EXOC4: variants seen among roughly 807,000 people sequenced by gnomAD.
The protein encoded by EXOC4 is exocyst complex component 4, also known as SEC8-like 1.
EXOC4 carries 71 observed loss-of-function variants against 107.2 expected under a neutral mutation model. That is an observed-to-expected ratio of 0.66 (90% CI 0.55 to 0.81). The LOEUF is 0.81. Among genes scored for constraint, EXOC4 ranks in the 30% least tolerant of loss-of-function variants. EXOC4 has a pLI of 0.00. For missense variants in EXOC4, 1,108 were observed against 1,189.6 expected (o/e 0.93, Z 1.01); for synonymous variants, 456 against 441.2 (o/e 1.03, Z -0.42).
intron 9 of EXOC4, among the ~76,000 whole-genome samples, chr7:133,606,514 A>ATTT (rs1412133574): frequency 1.7e-4 from 24 of 142,874 alleles, no homozygotes; most frequent in African/African-American, 6.3e-4. Context: ...TATTATTATT[A>ATTT]TTATTTTTTT....
At chr7:134,066,111 A>G (rs1003016992), downstream of EXOC4, 2 of 152,236 alleles carry the variant, frequency 1.3e-5, no homozygotes, top group Non-Finnish European at 2.9e-5. Context: ...ATACTGCCCT[A>G]AACGATATCA....
intron 7 of EXOC4, among the ~76,000 whole-genome samples, chr7:133,439,980 T>C (rs1798068737): frequency 6.6e-6 from 1 of 152,220 alleles, no homozygotes; most frequent in Non-Finnish European, 1.5e-5. Flanking sequence ...TTGTGAGTTA[T>C]AGCTTCTTTA....
chr7:133,444,242 G>A (rs1299899009), intron 7 of EXOC4, among the ~76,000 whole-genome samples: 1 of 152,190 alleles, frequency 6.6e-6, no homozygotes, highest in African/African-American at 2.4e-5. Flanking sequence ...ATGGACCAAG[G>A]AGACCAGCAA....
At chr7:134,027,860 C>T (rs941520528) in intron 17 of EXOC4, among the ~76,000 whole-genome samples, 3 of 152,130 alleles carry the variant, frequency 2.0e-5, no homozygotes, top group African/African-American at 2.4e-5. Flanking sequence ...CTAGCCCCTT[C>T]GTTTATCAGG....
intron 13 of EXOC4, among the ~76,000 whole-genome samples, chr7:133,935,471 T>C (rs1327278087): frequency 6.6e-6 from 1 of 152,198 alleles, no homozygotes; most frequent in African/African-American, 2.4e-5. Flanking sequence ...GGTAGGCAGC[T>C]AATGGTTTCT....
chr7:133,705,091 C>T (rs984868767), intron 10 of EXOC4, among the ~76,000 whole-genome samples: 4 of 152,116 alleles, frequency 2.6e-5, no homozygotes, highest in Admixed American at 6.5e-5. Flanking sequence ...GAGGCAGGCA[C>T]GGTGGCTCAT....
intron 10 of EXOC4, among the ~76,000 whole-genome samples, chr7:133,791,913 C>T (rs1435098485): frequency 6.6e-6 from 1 of 152,190 alleles, no homozygotes; most frequent in Non-Finnish European, 1.5e-5. Context: ...AGTTACTTCT[C>T]ACTTTTATTC....
At chr7:133,986,640 C>T (rs1426976482) in intron 14 of EXOC4, among the ~76,000 whole-genome samples, 6 of 152,138 alleles carry the variant, frequency 3.9e-5, no homozygotes, top group South Asian at 2.1e-4. Flanking sequence ...TTCCAAAAAC[C>T]GGTAGGCTTC....
intron 9 of EXOC4, among the ~76,000 whole-genome samples, chr7:133,504,943 A>T (rs1799641052): frequency 6.6e-6 from 1 of 152,088 alleles, no homozygotes; most frequent in East Asian, 1.9e-4. Flanking sequence ...AGTGTAGCCC[A>T]GTGAAATGAA....
Position 133,516,757 on chromosome 7 carries a change from C to CTTTTTTTTTTTTTTTTTTT in EXOC4, c.1417+36619_1417+36620insTTTTTTTTTTTTTTTTTTT, listed in dbSNP as rs1563093913. Among the ~76,000 whole-genome samples, 27 of 5,260 alleles carry CTTTTTTTTTTTTTTTTTTT rather than the reference C, an allele frequency of 5.1e-3. 1 individual carries two copies. The highest frequency in any genetic ancestry group is 9.6e-3 in the South Asian group (1 of 104). 3.5% of individuals were successfully genotyped at this position (5,260 alleles called of 152,430 possible). ...TTGGGAAACTGCCAAACTAGCTGCT[C>CTTTTTTTTTTTTTTTTTTT]ATTTTTTTTTTTTTTACAGAATTTA... On this transcript the variant is annotated intron_variant, in intron 9 of 17. Coordinates refer to ENST00000253861, the MANE Select transcript of EXOC4 (RefSeq NM_021807.4).
intron 17 of EXOC4, among the ~76,000 whole-genome samples, chr7:134,029,465 A>G (rs12674427): frequency 0.16 from 23,599 of 152,156 alleles, 2,636 homozygotes; most frequent in East Asian, 0.42. Context: ...ACTAAAGGAT[A>G]TAGGGTTTCT....
At chr7:133,259,365 T>C (rs1025266287) in intron 1 of EXOC4, among the ~76,000 whole-genome samples, 6 of 151,808 alleles carry the variant, frequency 4.0e-5, no homozygotes, top group Non-Finnish European at 7.4e-5. Context: ...CCTGAGTAGC[T>C]GGGATTACAG....
At chr7:133,299,619 A>G (rs1563008224) in intron 3 of EXOC4, among the ~76,000 whole-genome samples, 1 of 152,210 alleles carries the variant, frequency 6.6e-6, no homozygotes, top group Non-Finnish European at 1.5e-5. Context: ...AAGAAGTCAC[A>G]TTTGATCCTG....
At chr7:134,064,013 A>G (rs949448345) in intron 17 of EXOC4, among the ~76,000 whole-genome samples, 9 of 152,134 alleles carry the variant, frequency 5.9e-5, no homozygotes, top group Non-Finnish European at 1.0e-4. Context: ...TAAATGCAAA[A>G]TTAGCAAAAA....
At chr7:133,368,047 A>G (rs945325234) in intron 6 of EXOC4, among the ~76,000 whole-genome samples, 4 of 152,186 alleles carry the variant, frequency 2.6e-5, no homozygotes, top group Non-Finnish European at 5.9e-5. Context: ...TCTTTTACTC[A>G]TGAACTCGTT....
intron 9 of EXOC4, among the ~76,000 whole-genome samples, chr7:133,564,582 G>A (rs1266976202): frequency 6.6e-6 from 1 of 152,086 alleles, no homozygotes; most frequent in Non-Finnish European, 1.5e-5. Flanking sequence ...TAGTCATTAT[G>A]AAATACGTTT....
At chr7:133,540,719 T>A (rs1364203725) in intron 9 of EXOC4, among the ~76,000 whole-genome samples, 1 of 152,202 alleles carries the variant, frequency 6.6e-6, no homozygotes, top group Admixed American at 6.5e-5. Context: ...TCAATTTGCA[T>A]GTTATGGAAC....
At chr7:133,543,311 A>C (rs980536492) in intron 9 of EXOC4, among the ~76,000 whole-genome samples, 1 of 152,122 alleles carries the variant, frequency 6.6e-6, no homozygotes, top group Non-Finnish European at 1.5e-5. Flanking sequence ...TCAAGCATCG[A>C]TGATATAATT....
At chr7:133,576,932 C>A in intron 9 of EXOC4, 2 of 1,187,844 alleles carry the variant, frequency 1.7e-6, no homozygotes, top group South Asian at 1.3e-5. Context: ...CTCTTATTCA[C>A]TGCATGTGTG....
Sources: gnomAD v4.1 joint callset for allele counts (sites outside exome capture counted in the v4.1 genomes callset) on GRCh38, gnomAD v4.1.1 for gene constraint, MANE v1.5 for transcripts, NCBI Gene and HGNC (gene_info 2026-07-23, HGNC 2026-07-21) for gene names.